The following TMEM164 variants were observed in gnomAD, a reference collection of about 807,000 sequenced individuals.
The protein encoded by TMEM164 is RP13-360B22.2.
A neutral mutation model predicts 18.8 loss-of-function variants in TMEM164; 4 were observed. The ratio of observed to expected loss-of-function variants is 0.21; its 90% CI spans 0.10 to 0.49. The LOEUF is 0.49. Among genes scored for constraint, TMEM164 ranks in the 20% least tolerant of loss-of-function variants. The pLI is 0.98. For synonymous variants in TMEM164, 86 were observed against 101.7 expected (o/e 0.85, Z 0.93); for missense variants, 108 against 239.9 (o/e 0.45, Z 3.63).
rs139658304 is a variant in TMEM164, at chrX:110,103,559, G to T, written c.441-5521G>T. Among the ~76,000 whole-genome samples the T allele has an allele frequency of 4.3e-3, 467 of 109,840 alleles. 1 individual carries two copies. Among genetic ancestry groups the T allele is most frequent in the African/African-American group, 0.014 (425 of 30,110 alleles). ...GATAGAGGAGGTCTGGCTTTGGATT[G>T]GTTAGTTTGCATATCAAAGGCATGT... On this transcript the variant is annotated intron_variant, in intron 3 of 6. Coordinates refer to ENST00000372068, the MANE Select transcript of TMEM164 (RefSeq NM_032227.4).
chrX:110,087,197 TACTC>T (rs2065866119), intron 3 of TMEM164, among the ~76,000 whole-genome samples: 2 of 112,066 alleles, frequency 1.8e-5, no homozygotes, highest in Non-Finnish European at 3.8e-5. Context: ...ACAGCACACT[TACTC>T]AATAAAAGAG....
intron 2 of TMEM164, among the ~76,000 whole-genome samples, chrX:110,020,942 A>G (rs1346455201): frequency 9.9e-6 from 1 of 101,427 alleles, no homozygotes; most frequent in African/African-American, 3.7e-5. Flanking sequence ...TTGCAGAACC[A>G]TATGTATGAG....
At chrX:110,080,357 G>GA (rs2065735306) in intron 3 of TMEM164, among the ~76,000 whole-genome samples, 1 of 111,676 alleles carries the variant, frequency 9.0e-6, no homozygotes, top group Non-Finnish European at 1.9e-5. Context: ...AATAATATAG[G>GA]AAAAAACACA....
At chrX:110,038,249 C>T (rs1221142173) in intron 2 of TMEM164, among the ~76,000 whole-genome samples, 1 of 111,076 alleles carries the variant, frequency 9.0e-6, no homozygotes, top group African/African-American at 3.3e-5. Flanking sequence ...CCTCGGCCTC[C>T]CAAAGTGCTG....
chrX:110,011,446 A>G (rs1340670100), intron 2 of TMEM164, among the ~76,000 whole-genome samples: 1 of 111,881 alleles, frequency 8.9e-6, no homozygotes, highest in Non-Finnish European at 1.9e-5. Flanking sequence ...TAGAACAGGG[A>G]CTGGCTCTAG....
At chrX:110,028,651 A>G (rs1222398408) in intron 2 of TMEM164, among the ~76,000 whole-genome samples, 1 of 111,970 alleles carries the variant, frequency 8.9e-6, no homozygotes, top group Non-Finnish European at 1.9e-5. Context: ...TTTAAAAGTC[A>G]TCTTTTTGTT....
chrX:110,042,982 G>T (rs1317572175), intron 2 of TMEM164, among the ~76,000 whole-genome samples: 5 of 112,475 alleles, frequency 4.4e-5, no homozygotes, highest in Admixed American at 9.4e-5. Flanking sequence ...GGGGTCTTCA[G>T]ATGTTAACAA....
chrX:110,012,992 T>C (rs192060974), intron 2 of TMEM164, among the ~76,000 whole-genome samples: 2 of 111,957 alleles, frequency 1.8e-5, no homozygotes, highest in Admixed American at 1.9e-4. Context: ...CAGACAGGAT[T>C]GGCCTGTTTG....
chrX:110,141,910 T>C (rs2148055727), intron 4 of TMEM164, among the ~76,000 whole-genome samples: 1 of 112,023 alleles, frequency 8.9e-6, no homozygotes, highest in Non-Finnish European at 1.9e-5. Flanking sequence ...CTATTTCCTC[T>C]TTCCCTCCCC....
chrX:110,024,409 G>A (rs199874050), intron 2 of TMEM164, among the ~76,000 whole-genome samples: 4 of 110,972 alleles, frequency 3.6e-5, no homozygotes, highest in African/African-American at 9.9e-5. Context: ...TCAGCCTCTC[G>A]AGTAACTAGG....
chrX:110,120,134 C>A (rs2066428805), intron 4 of TMEM164, among the ~76,000 whole-genome samples: 1 of 112,298 alleles, frequency 8.9e-6, no homozygotes, highest in Non-Finnish European at 1.9e-5. Flanking sequence ...TCAGTAGGCC[C>A]AAGCCCTTCA....
chrX:110,014,127 C>T (rs1274103146), intron 2 of TMEM164, among the ~76,000 whole-genome samples: 1 of 101,696 alleles, frequency 9.8e-6, no homozygotes, highest in Non-Finnish European at 2.0e-5. Context: ...ACATAAGACA[C>T]ATTCAATACA....
chrX:110,137,120 C>T (rs933060036), intron 4 of TMEM164, among the ~76,000 whole-genome samples: 3 of 111,902 alleles, frequency 2.7e-5, no homozygotes, highest in Middle Eastern at 4.2e-3. Context: ...TACAGTTATA[C>T]ATGTATATCA....
At chrX:110,094,580 A>G (rs2065984126) in intron 3 of TMEM164, among the ~76,000 whole-genome samples, 1 of 111,768 alleles carries the variant, frequency 8.9e-6, no homozygotes, top group African/African-American at 3.3e-5. Flanking sequence ...GTCTCTGCAC[A>G]TGAGATGGGT....
In TMEM164 at chrX:110,144,590, A is replaced by C. The variant is rs775549677; in HGVS notation, c.508-208A>C. Among the ~76,000 whole-genome samples, 209 of 111,857 alleles carry C rather than the reference A, an allele frequency of 1.9e-3. 2 individuals carry two copies. The highest frequency in any genetic ancestry group is 6.5e-3 in the African/African-American group (201 of 30,755). On this transcript the variant is annotated intron_variant, in intron 4 of 6. Transcript: ENST00000372068. ...GAGCATTTACAAGTACCTTCTCTAC[A>C]AAAGACATCTAGGAAGATCCTGATC...
At chrX:110,170,010 C>T (rs113148161) in intron 5 of TMEM164, among the ~76,000 whole-genome samples, 2,411 of 111,916 alleles carry the variant, frequency 0.022, 32 homozygotes, top group Middle Eastern at 0.051. Flanking sequence ...CTTCTAGTGT[C>T]CTATGTGTCG....
At chrX:110,005,217 A>G (rs1350756077) in intron 2 of TMEM164, among the ~76,000 whole-genome samples, 1 of 112,539 alleles carries the variant, frequency 8.9e-6, no homozygotes, top group Admixed American at 9.4e-5. Context: ...GACTTGTGAC[A>G]GCCTAGCTTG....
At position 110,022,199 on chromosome X, in the gene TMEM164, A is replaced by ATGTGTGTGTGTGTGTGTGTGTG. The variant is rs754713777; in HGVS notation, c.390+18056_390+18057insGTGTGTGTGTGTGTGTGTGTGT. Among the ~76,000 whole-genome samples, 177 of 107,607 alleles carry ATGTGTGTGTGTGTGTGTGTGTG rather than the reference A, an allele frequency of 1.6e-3. 1 individual carries two copies. Among genetic ancestry groups the ATGTGTGTGTGTGTGTGTGTGTG allele is most frequent in the African/African-American group, 5.4e-3 (159 of 29,356 alleles). 93.4% of individuals were successfully genotyped at this position (107,607 alleles called of 115,157 possible). ...TCTGAGCCTAAACTGACCACTAGAA[A>ATGTGTGTGTGTGTGTGTGTGTG]TGTGTGTGTGTGTGTGTGTGTATTG... On this transcript the variant is annotated intron_variant, in intron 2 of 6. Transcript: ENST00000372068.
At chrX:110,160,746 G>GT (rs957844945) in intron 5 of TMEM164, among the ~76,000 whole-genome samples, 3 of 111,416 alleles carry the variant, frequency 2.7e-5, no homozygotes, top group Non-Finnish European at 3.8e-5. Flanking sequence ...GTTTTGTTTT[G>GT]TTTTTTTGTT....
Sources: gnomAD v4.1 joint callset for allele counts (sites outside exome capture counted in the v4.1 genomes callset) on GRCh38, gnomAD v4.1.1 for gene constraint, MANE v1.5 for transcripts, NCBI Gene and HGNC (gene_info 2026-07-23, HGNC 2026-07-21) for gene names.